The following HYCC2 variants were observed in gnomAD, a reference collection of about 807,000 sequenced individuals.
HYCC2 encodes hyccin 2.
chr2:200,992,965 T>C, the HYCC2 span: 1 of 1,613,938 alleles, frequency 6.2e-7, no homozygotes, highest in Non-Finnish European at 8.5e-7. Context: ...TTCTTTCCAG[T>C]GTTTTTCATG....
the HYCC2 span, chr2:200,979,543 G>GT: frequency 1.1e-4 from 16 of 151,776 alleles, no homozygotes; most frequent in Non-Finnish European, 1.5e-4. Flanking sequence ...AAAAAAAGGC[G>GT]TTTTTTCTGG....
chr2:201,019,121 G>C, the HYCC2 span, among the ~76,000 whole-genome samples: 5 of 152,182 alleles, frequency 3.3e-5, no homozygotes, highest in Non-Finnish European at 5.9e-5. Context: ...TTCTTTAGAA[G>C]TAAAAAACTG....
At chr2:200,986,610 C>T in the HYCC2 span, among the ~76,000 whole-genome samples, 1 of 152,092 alleles carries the variant, frequency 6.6e-6, no homozygotes. Context: ...CTCCATGTTG[C>T]GATACCTACA....
At chr2:201,042,893 G>A in the HYCC2 span, among the ~76,000 whole-genome samples, 2 of 152,068 alleles carry the variant, frequency 1.3e-5, no homozygotes, top group Non-Finnish European at 2.9e-5. Flanking sequence ...TCTGGGAAGT[G>A]AGGAGCCCCT....
the HYCC2 span, among the ~76,000 whole-genome samples, chr2:201,036,698 C>T: frequency 5.3e-5 from 8 of 152,174 alleles, no homozygotes; most frequent in East Asian, 3.8e-4. Context: ...TTCAACAACC[C>T]TTCATGCTAA....
the HYCC2 span, among the ~76,000 whole-genome samples, chr2:201,003,471 G>A: frequency 1.3e-5 from 2 of 152,142 alleles, no homozygotes; most frequent in South Asian, 2.1e-4. Flanking sequence ...AGCACTTTGG[G>A]AGGCTGAGGT....
the HYCC2 span, among the ~76,000 whole-genome samples, chr2:200,984,585 C>T: frequency 2.6e-5 from 4 of 152,190 alleles, no homozygotes; most frequent in Non-Finnish European, 5.9e-5. Context: ...AATTTCCTTT[C>T]TTCTGTTTAA....
At chr2:201,004,634 C>A in the HYCC2 span, among the ~76,000 whole-genome samples, 3 of 152,178 alleles carry the variant, frequency 2.0e-5, no homozygotes, top group Non-Finnish European at 4.4e-5. Flanking sequence ...GGATCAAATG[C>A]TCAGAGTACT....
the HYCC2 span, among the ~76,000 whole-genome samples, chr2:201,053,034 G>A: frequency 6.6e-6 from 1 of 152,146 alleles, no homozygotes; most frequent in African/African-American, 2.4e-5. Flanking sequence ...ATTGAGGATG[G>A]GGTCAAGTAC....
chr2:201,030,902 T>C, the HYCC2 span, among the ~76,000 whole-genome samples: 17 of 152,136 alleles, frequency 1.1e-4, no homozygotes, highest in Admixed American at 7.9e-4. Context: ...TTAACAGCCA[T>C]AAAACTGTAA....
the HYCC2 span, chr2:201,066,920 A>G: frequency 5.8e-6 from 1 of 173,700 alleles, no homozygotes; most frequent in Non-Finnish European, 1.2e-5. Context: ...AGATAGCAGG[A>G]TACAAGGAGA....
At chr2:201,032,768 T>C in the HYCC2 span, among the ~76,000 whole-genome samples, 2 of 152,190 alleles carry the variant, frequency 1.3e-5, no homozygotes, top group Admixed American at 1.3e-4. Flanking sequence ...TTGATCCTCC[T>C]GCCTCAGCCT....
chr2:201,029,895 G>A, the HYCC2 span, among the ~76,000 whole-genome samples: 4 of 152,184 alleles, frequency 2.6e-5, no homozygotes, highest in East Asian at 3.9e-4. Context: ...AAACCTGCAC[G>A]TTGTGCACAT....
the HYCC2 span, among the ~76,000 whole-genome samples, chr2:201,060,792 T>C: frequency 3.9e-5 from 6 of 152,204 alleles, no homozygotes; most frequent in Non-Finnish European, 5.9e-5. Flanking sequence ...ATCTCAGCTA[T>C]GCCTCAACTT....
At chr2:201,053,764 A>G in the HYCC2 span, among the ~76,000 whole-genome samples, 78 of 152,132 alleles carry the variant, frequency 5.1e-4, no homozygotes, top group African/African-American at 1.8e-3. Flanking sequence ...GGAGATCAAG[A>G]CCATCCTGGC....
chr2:201,069,049 A>G, the HYCC2 span, among the ~76,000 whole-genome samples: 2 of 152,238 alleles, frequency 1.3e-5, no homozygotes, highest in Admixed American at 6.5e-5. Context: ...TACTGGTATG[A>G]TAACTAGTTT....
At chr2:201,009,742 G>A in the HYCC2 span, among the ~76,000 whole-genome samples, 150 of 151,978 alleles carry the variant, frequency 9.9e-4, no homozygotes, top group African/African-American at 3.3e-3. Context: ...TTACAAGCAT[G>A]AGCCACCATA....
chr2:201,068,529 C>G, the HYCC2 span, among the ~76,000 whole-genome samples: 9 of 152,132 alleles, frequency 5.9e-5, no homozygotes, highest in Admixed American at 5.9e-4. Flanking sequence ...ACATCTACCC[C>G]CTTCACACTC....
the HYCC2 span, among the ~76,000 whole-genome samples, chr2:200,994,579 T>A: frequency 6.6e-6 from 1 of 152,190 alleles, no homozygotes; most frequent in African/African-American, 2.4e-5. Flanking sequence ...AGGATGAAAA[T>A]TTTTTAATGT....
Sources: gnomAD v4.1 joint callset for allele counts (sites outside exome capture counted in the v4.1 genomes callset) on GRCh38, gnomAD v4.1.1 for gene constraint, MANE v1.5 for transcripts, NCBI Gene and HGNC (gene_info 2026-07-23, HGNC 2026-07-21) for gene names.